SLF2: variants seen among roughly 807,000 people sequenced by gnomAD.
The protein encoded by SLF2 is SMC5/6 complex localization factor 2, also known as SMC5-SMC6 complex localization factor protein 2.
SLF2 carries 68 observed loss-of-function variants against 124.3 expected under a neutral mutation model. The ratio of observed to expected loss-of-function variants is 0.55; its 90% confidence interval spans 0.45 to 0.67. SLF2 has a LOEUF of 0.67. SLF2 is among the 30% of genes least tolerant of loss of function. The pLI is 0.00. For synonymous variants in SLF2, 480 were observed against 478.8 expected (o/e 1.00, Z -0.03); for missense variants, 1,246 against 1,373.7 (o/e 0.91, Z 1.47).
At chr10:100,942,547 G>C (rs540528914) in intron 11 of SLF2, among the ~76,000 whole-genome samples, 34 of 152,036 alleles carry the variant, frequency 2.2e-4, no homozygotes, top group African/African-American at 7.2e-4. Context: ...TGCCTTTGAA[G>C]TCTTGCTGTC....
chr10:100,947,835 C>T lies in SLF2; in HGVS notation c.3108C>T (p.Ala1036=). ...AGAAACACGAAGATGTTCCTAATGC[C>T]AGTAATCTGCAGGTATAAATAAATA... ...LDEKHEDVPN[A]SNLQVSVLHR... is the part of the protein sequence containing the mutation. Residue 1036 remains alanine, a synonymous_variant, in exon 15 of 20, where the codon GCC becomes GCT. Transcript: ENST00000238961. 1 of 1,607,468 alleles carries T rather than the reference C, an allele frequency of 6.2e-7. No individual in the cohort carries two copies. Among genetic ancestry groups the T allele is most frequent in the East Asian group, 2.2e-5 (1 of 44,788 alleles).
chr10:100,937,129 G>A (rs1849878904), intron 9 of SLF2, among the ~76,000 whole-genome samples: 1 of 151,632 alleles, frequency 6.6e-6, no homozygotes, highest in South Asian at 2.1e-4. Flanking sequence ...TCCACCTCCT[G>A]GTCTCAACCA....
chr10:100,955,482 G>A (rs1237717425), intron 17 of SLF2, among the ~76,000 whole-genome samples: 4 of 152,086 alleles, frequency 2.6e-5, no homozygotes, highest in African/African-American at 7.2e-5. Flanking sequence ...TTGTGCTAGC[G>A]AGTCGCAGTG....
At position 100,926,011 on chromosome 10, in the gene SLF2, C is replaced by T. The variant is rs1849604350; in HGVS notation, c.2034C>T (p.Asp678=). 6.2e-7 allele frequency: 1 copy of T among 1,613,898 alleles called. No individual in the cohort carries two copies. Among genetic ancestry groups the T allele is most frequent in the East Asian group, 2.2e-5 (1 of 44,888 alleles). Reference sequence around the variant, plus strand: ...AACGTCTAGTGAAGGAAATGGAAGACACACAAAGGTTTGTTAGCATAAAGA... The same window carrying T: ...AACGTCTAGTGAAGGAAATGGAAGATACACAAAGGTTTGTTAGCATAAAGA... ...TLERLVKEME[D]TQRLDELQKQ... Residue 678 remains aspartate, a synonymous_variant, in exon 6 of 20, where the codon GAC becomes GAT. Coordinates refer to ENST00000238961, the MANE Select transcript of SLF2 (RefSeq NM_018121.4).
chr10:100,944,245 C>T (rs1452681013), intron 12 of SLF2, 117 bp downstream of exon 12: 6 of 589,548 alleles, frequency 1.0e-5, no homozygotes, highest in Non-Finnish European at 1.7e-5. Context: ...CCTGTAATCC[C>T]AGCACTTTGG....
rs574860674 is a variant in SLF2, at chr10:100,937,608, G to GT, written c.2512+139dup. 1,579 of 593,562 alleles carry GT rather than the reference G, an allele frequency of 2.7e-3. 3 individuals are homozygous for GT. Among genetic ancestry groups the GT allele is most frequent in the African/African-American group, 4.6e-3 (239 of 51,844 alleles). 36.8% of individuals were successfully genotyped at this position (593,562 alleles called of 1,614,324 possible). On this transcript the variant is annotated intron_variant, in intron 10 of 19. Coordinates refer to ENST00000238961, the MANE Select transcript of SLF2 (RefSeq NM_018121.4). ...AAAATTATTTTTCTAATCAAAAGTC[G>GT]TTTTTTTTGGTTTTTTTTTTGAGAC...
chr10:100,959,291 C>G (rs181419399), intron 18 of SLF2, 137 bp from the exon 19 acceptor site: 22 of 658,986 alleles, frequency 3.3e-5, no homozygotes, highest in East Asian at 8.7e-5. Context: ...AGTTTATTTT[C>G]TCTTTGTTGA....
At chr10:100,943,234 C>G (rs779997430) in intron 11 of SLF2, among the ~76,000 whole-genome samples, 14 of 152,164 alleles carry the variant, frequency 9.2e-5, no homozygotes, top group African/African-American at 3.4e-4. Flanking sequence ...TTTAGGAGCT[C>G]TGTGCCAGGA....
intron 11 of SLF2, among the ~76,000 whole-genome samples, chr10:100,940,765 C>G (rs975666625): frequency 1.7e-5 from 2 of 118,098 alleles, no homozygotes; most frequent in African/African-American, 3.1e-5. Flanking sequence ...CCCCACTTCT[C>G]CCCCTTCCCC....
intron 15 of SLF2, among the ~76,000 whole-genome samples, chr10:100,948,607 G>T (rs1469375970): frequency 3.9e-5 from 6 of 152,166 alleles, no homozygotes; most frequent in Non-Finnish European, 8.8e-5. Flanking sequence ...CATAGGATGG[G>T]CACAGTGGCT....
chr10:100,918,103 A>T (rs1297186920), intron 3 of SLF2, among the ~76,000 whole-genome samples: 1 of 152,204 alleles, frequency 6.6e-6, no homozygotes, highest in Non-Finnish European at 1.5e-5. Context: ...CAGTGTTCTA[A>T]TATAATATTC....
At chr10:100,942,530 A>G (rs991049139) in intron 11 of SLF2, among the ~76,000 whole-genome samples, 1 of 152,002 alleles carries the variant, frequency 6.6e-6, no homozygotes, top group Non-Finnish European at 1.5e-5. Context: ...AGAGAAGACA[A>G]GAGTTTTGCC....
At chr10:100,928,105 A>AGAGAGAG (rs1564774155) in intron 6 of SLF2, among the ~76,000 whole-genome samples, 1 of 127,184 alleles carries the variant, frequency 7.9e-6, no homozygotes, top group Non-Finnish European at 1.6e-5. Context: ...GAGAGAGAGA[A>AGAGAGAG]AAGTTGAGGA....
intron 12 of SLF2, among the ~76,000 whole-genome samples, chr10:100,944,703 G>C (rs1354728577): frequency 6.6e-6 from 1 of 151,968 alleles, no homozygotes; most frequent in Non-Finnish European, 1.5e-5. Flanking sequence ...GAAGAAAAAA[G>C]ACTTACAATA....
At chr10:100,957,454 G>A (rs550151842) in intron 18 of SLF2, among the ~76,000 whole-genome samples, 5 of 144,256 alleles carry the variant, frequency 3.5e-5, no homozygotes, top group Non-Finnish European at 6.0e-5. Flanking sequence ...AGGTTCAAGC[G>A]ATTCTCCTGC....
chr10:100,923,977 G>T lies in SLF2; in HGVS notation c.976G>T (p.Gly326Cys). ...SSDSWEPTSAGSKQNKFPEKR... is the reference protein window; with the variant it reads ...SSDSWEPTSACSKQNKFPEKR... Reference sequence around the variant, plus strand: ...ATCTAACAAAAATTAAATTTTAGCAGGCTCTAAGCAGAATAAATTCCCTGA... The same window carrying T: ...ATCTAACAAAAATTAAATTTTAGCATGCTCTAAGCAGAATAAATTCCCTGA... The change falls in exon 5 of 20, where the codon GGC becomes TGC. Residue 326 changes from glycine to cysteine, a missense_variant and splice_region_variant. Gly to Cys is a radical substitution (Grantham distance 159). Transcript: ENST00000238961. 1 of 1,510,024 alleles carries T rather than the reference G, an allele frequency of 6.6e-7. No homozygotes were observed. Among genetic ancestry groups the T allele is most frequent in the Non-Finnish European group, 8.8e-7 (1 of 1,132,772 alleles). 93.5% of individuals were successfully genotyped at this position (1,510,024 alleles called of 1,614,324 possible).
intron 19 of SLF2, among the ~76,000 whole-genome samples, chr10:100,960,461 G>A (rs1211625312): frequency 1.3e-5 from 2 of 152,172 alleles, no homozygotes; most frequent in Non-Finnish European, 2.9e-5. Context: ...GTAGGGAGTA[G>A]GGAAGTAGAA....
chr10:100,955,253 A>T (rs1564785464), intron 17 of SLF2, among the ~76,000 whole-genome samples: 1 of 141,860 alleles, frequency 7.0e-6, no homozygotes, highest in Admixed American at 7.1e-5. Context: ...CCTATCTCTT[A>T]AAAAAAAAAA....
chr10:100,954,974 C>A (rs935919749), intron 17 of SLF2, among the ~76,000 whole-genome samples: 25 of 147,590 alleles, frequency 1.7e-4, no homozygotes, highest in African/African-American at 5.3e-4. Flanking sequence ...AAGTCTCACT[C>A]TGTCACCCAG....
Sources: allele counts gnomAD v4.1 joint callset (sites outside exome capture counted in the v4.1 genomes callset), GRCh38; gene constraint gnomAD v4.1.1; transcripts MANE v1.5; gene names NCBI Gene and HGNC (gene_info 2026-07-23, HGNC 2026-07-21).